SOX6: variants seen among roughly 807,000 people sequenced by gnomAD.
SOX6 encodes the protein SRY-box transcription factor 6, also known as transcription factor SOX-6.
SOX6 carries 11 observed loss-of-function variants against 97.8 expected under a neutral mutation model. The ratio of observed to expected loss-of-function variants is 0.11; its 90% CI spans 0.07 to 0.19. The LOEUF is 0.19. Among genes scored for constraint, SOX6 ranks in the 10% least tolerant of loss-of-function variants. SOX6 has a pLI of 1.00. For missense variants in SOX6, 810 were observed against 1,039.5 expected (o/e 0.78, Z 3.04); for synonymous variants, 360 against 371.4 (o/e 0.97, Z 0.35).
intron 6 of SOX6, among the ~76,000 whole-genome samples, chr11:16,130,497 G>A (rs1201262503): frequency 6.6e-6 from 1 of 151,662 alleles, no homozygotes; most frequent in Admixed American, 6.6e-5. Flanking sequence ...GGAAAATTTT[G>A]AAACACTAAA....
chr11:16,177,242 T>C lies in SOX6; in HGVS notation c.777+6644A>G, dbSNP rs946714621. Among the ~76,000 whole-genome samples, 4 of 152,056 alleles carry C rather than the reference T, an allele frequency of 2.6e-5. No homozygotes were observed. The East Asian group carries it at 5.8e-4, about 22-fold the overall frequency. On this transcript the variant is annotated intron_variant, in intron 6 of 15. Transcript: ENST00000683767. ...CATGGATAGCTACCTATTCTCCCTC[T>C]ATCCAGTGAATGAGAATCATGATGA...
chr11:16,389,686 C>T (rs1391543099), intron 1 of SOX6, among the ~76,000 whole-genome samples: 2 of 151,928 alleles, frequency 1.3e-5, no homozygotes, highest in African/African-American at 2.4e-5. Context: ...AAGAAGCTTA[C>T]GGCCGGGTGC....
At chr11:16,393,858 C>T (rs1368104577) in intron 1 of SOX6, among the ~76,000 whole-genome samples, 1 of 151,978 alleles carries the variant, frequency 6.6e-6, no homozygotes, top group African/African-American at 2.4e-5. Context: ...CGAAGGACAT[C>T]CACCTAATTC....
chr11:16,341,075 T>A lies in SOX6; in HGVS notation c.174A>T (p.Thr58=). 1 of 1,613,404 alleles carries A rather than the reference T, an allele frequency of 6.2e-7. No homozygotes were observed. The highest frequency in any genetic ancestry group is 8.5e-7 in the Non-Finnish European group (1 of 1,179,564). ...CATCTTGTTGAATGGTACTGACAAG[T>A]GTTGGTAGCTCCTCAGAGTGAGGTT... is the stretch of plus-strand genomic sequence containing the variant. ...HNKPHSEELP[T]LVSTIQQDAD... The change falls in exon 2 of 16, where the codon ACA becomes ACT. Residue 58 remains threonine (T), a synonymous_variant. Coordinates refer to ENST00000683767, the MANE Select transcript of SOX6 (RefSeq NM_001367873.1).
At chr11:16,068,283 C>G (rs1171888047) in intron 9 of SOX6, among the ~76,000 whole-genome samples, 1 of 152,006 alleles carries the variant, frequency 6.6e-6, no homozygotes, top group Non-Finnish European at 1.5e-5. Context: ...TAAAGCTGGG[C>G]AAGTTAAGCT....
rs1024914160 is a variant in SOX6 at position 16,433,544 on chromosome 11, T to C, written c.-5+42771A>G. Among the ~76,000 whole-genome samples, 10 of 152,214 alleles carry C rather than the reference T, an allele frequency of 6.6e-5. No individual in the cohort carries two copies. The East Asian group carries it at 1.4e-3, about 21-fold the overall frequency. On this transcript the variant is annotated intron_variant, in intron 1 of 15. Transcript: ENST00000396356. ...CAATGGATCATCCACTTGCCACTTATAGTTATATTTTGGTTATTAATATAT... is the reference window on the plus strand; with the variant it reads ...CAATGGATCATCCACTTGCCACTTACAGTTATATTTTGGTTATTAATATAT...
intron 6 of SOX6, among the ~76,000 whole-genome samples, chr11:16,116,774 A>ATTT (rs1404121759): frequency 1.3e-5 from 2 of 152,192 alleles, no homozygotes; most frequent in Non-Finnish European, 2.9e-5. Flanking sequence ...GCAGCGGGCA[A>ATTT]GCAAGTATTA....
chr11:16,437,586 T>C (rs2133082444), intron 1 of SOX6, among the ~76,000 whole-genome samples: 1 of 152,334 alleles, frequency 6.6e-6, no homozygotes, highest in South Asian at 2.1e-4. Flanking sequence ...CACCTTCTCT[T>C]GAGCAAGTCT....
chr11:16,132,398 G>GAAAGAAAGA (rs1849805448), intron 6 of SOX6, among the ~76,000 whole-genome samples: 5 of 48,168 alleles, frequency 1.0e-4, no homozygotes, highest in Middle Eastern at 8.9e-3. Flanking sequence ...AAGAAAGAAA[G>GAAAGAAAGA]AAAAAAGAAA....
chr11:16,067,092 C>T (rs1848110572), intron 9 of SOX6, among the ~76,000 whole-genome samples: 1 of 152,154 alleles, frequency 6.6e-6, no homozygotes. Context: ...TCTGATTTTA[C>T]AGGCTCATAG....
At chr11:16,389,357 T>C (rs1041856105) in intron 1 of SOX6, among the ~76,000 whole-genome samples, 1 of 152,212 alleles carries the variant, frequency 6.6e-6, no homozygotes, top group Non-Finnish European at 1.5e-5. Flanking sequence ...AGAGGTGACA[T>C]TGTAGGCTTG....
chr11:16,572,822 C>A (rs1465384692), intron 4 of SOX6, among the ~76,000 whole-genome samples: 1 of 151,974 alleles, frequency 6.6e-6, no homozygotes, highest in Non-Finnish European at 1.5e-5. Context: ...TATCAACTAC[C>A]CTAGCATTAA....
intron 4 of SOX6, among the ~76,000 whole-genome samples, chr11:16,524,027 A>G (rs1057287760): frequency 7.9e-5 from 12 of 152,212 alleles, no homozygotes; most frequent in African/African-American, 2.9e-4. Flanking sequence ...AGATGGATTC[A>G]CAGCTGAATT....
chr11:16,139,473 C>A (rs933177549), intron 6 of SOX6, among the ~76,000 whole-genome samples: 5 of 152,106 alleles, frequency 3.3e-5, no homozygotes, highest in Admixed American at 1.3e-4. Flanking sequence ...ATGTTCTATT[C>A]AATAGGATAA....
chr11:16,540,386 A>G (rs1861386118), intron 4 of SOX6, among the ~76,000 whole-genome samples: 1 of 152,106 alleles, frequency 6.6e-6, no homozygotes, highest in Admixed American at 6.6e-5. Flanking sequence ...CAAAAACTGG[A>G]AGCATTCCCT....
At chr11:16,667,553 A>C (rs1448929331) in intron 3 of SOX6, among the ~76,000 whole-genome samples, 1 of 152,132 alleles carries the variant, frequency 6.6e-6, no homozygotes, top group Non-Finnish European at 1.5e-5. Context: ...AGGAAAAAAA[A>C]AAAAAAACTT....
chr11:16,454,565 T>C (rs1859780597), intron 1 of SOX6, among the ~76,000 whole-genome samples: 1 of 152,094 alleles, frequency 6.6e-6, no homozygotes, highest in Admixed American at 6.6e-5. Context: ...GATTTTTCTC[T>C]TTTAAGATCA....
intron 3 of SOX6, among the ~76,000 whole-genome samples, chr11:16,288,578 TAAGA>T (rs1854818929): frequency 6.6e-6 from 1 of 152,056 alleles, no homozygotes; most frequent in African/African-American, 2.4e-5. Flanking sequence ...TACTTTTTAG[TAAGA>T]TATTTTAGAG....
chr11:16,158,592 C>A (rs577843248), intron 6 of SOX6, among the ~76,000 whole-genome samples: 17 of 151,792 alleles, frequency 1.1e-4, no homozygotes, highest in South Asian at 2.1e-4. Flanking sequence ...GAGGGGGCAC[C>A]CAGGCAAAAT....
Sources: allele counts gnomAD v4.1 joint callset (sites outside exome capture counted in the v4.1 genomes callset), GRCh38; gene constraint gnomAD v4.1.1; transcripts MANE v1.5; gene names NCBI Gene and HGNC (gene_info 2026-07-23, HGNC 2026-07-21).